SCAPER: variants seen among roughly 807,000 people sequenced by gnomAD.
SCAPER encodes S-phase cyclin A associated protein in the ER, also known as S phase cyclin A-associated protein in the endoplasmic reticulum.
A neutral mutation model predicts 182.2 loss-of-function variants in SCAPER; 98 were observed. The ratio of observed to expected loss-of-function variants is 0.54; its 90% CI spans 0.46 to 0.64. The LOEUF (loss-of-function observed/expected upper bound fraction) is 0.64. Ranked by LOEUF, SCAPER falls within the 30% of genes least tolerant of loss-of-function variation. SCAPER has a pLI of 0.00. For missense variants in SCAPER, 1,432 were observed against 1,690.0 expected (o/e 0.85, Z 2.68); for synonymous variants, 605 against 564.6 (o/e 1.07, Z -1.01).
rs374388566 is a variant in SCAPER, at chr15:76,705,634, AAG to A, written c.2247+267_2247+268del. On this transcript the variant is annotated intron_variant, in intron 18 of 31. Coordinates refer to ENST00000563290, the MANE Select transcript of SCAPER (RefSeq NM_020843.4). The stretch of plus-strand genomic sequence containing the variant: ...TACACTTAACATGACTGAACTGTGT[AAG>A]AAAAAATATTAAAGATTCTAAATTA... 8.2e-3 allele frequency among the ~76,000 whole-genome samples: 1,252 copies of A among 152,156 alleles called. 9 individuals carry two copies. The highest frequency in any genetic ancestry group is 0.014 in the Non-Finnish European group (985 of 67,982).
Position 76,597,500 on chromosome 15 carries a change from A to C in SCAPER, c.2712-23216T>G, listed in dbSNP as rs1211739354. ...AAAAAGAGCCTGTACAGCCAAGAGA[A>C]TCCTAAGCAAAAAGAACAAAGCTGG... On this transcript the variant is annotated intron_variant, in intron 22 of 31. Transcript: ENST00000563290. Among the ~76,000 whole-genome samples, 3 of 121,472 alleles carry C rather than the reference A, an allele frequency of 2.5e-5. 1 individual carries two copies. The allele number at this position is 121,472 out of a possible 152,430, so 79.7% of individuals were successfully genotyped here.
At chr15:76,351,179 A>T in intron 31 of SCAPER, 58 bp downstream of exon 31, 1 of 1,475,736 alleles carries the variant, frequency 6.8e-7, no homozygotes, top group Non-Finnish European at 9.3e-7. Flanking sequence ...AGGAAAGGAT[A>T]AGAAAGATGT....
chr15:76,602,093 A>G (rs2049971294), intron 22 of SCAPER, among the ~76,000 whole-genome samples: 1 of 122,114 alleles, frequency 8.2e-6, no homozygotes, highest in South Asian at 2.5e-4. Context: ...AACTGTACAT[A>G]CACACATAAG....
At chr15:76,569,985 T>C (rs1198738547) in intron 23 of SCAPER, among the ~76,000 whole-genome samples, 1 of 152,198 alleles carries the variant, frequency 6.6e-6, no homozygotes, top group Non-Finnish European at 1.5e-5. Flanking sequence ...CTTGTCCCTT[T>C]GTATGCTTAA....
At chr15:76,485,708 T>C (rs780418210) in intron 24 of SCAPER, among the ~76,000 whole-genome samples, 2 of 152,088 alleles carry the variant, frequency 1.3e-5, no homozygotes, top group South Asian at 2.1e-4. Context: ...TGGTACAGAA[T>C]AGAAAGCCCA....
intron 28 of SCAPER, chr15:76,380,813 A>C (rs1052043678): frequency 6.6e-6 from 1 of 152,270 alleles, no homozygotes; most frequent in African/African-American, 2.4e-5. Context: ...TAAAAACTTC[A>C]TAGCTAAAGA....
At chr15:76,650,464 A>C (rs556403595) in intron 21 of SCAPER, among the ~76,000 whole-genome samples, 4 of 152,158 alleles carry the variant, frequency 2.6e-5, no homozygotes, top group Non-Finnish European at 5.9e-5. Context: ...CAATTTGTCA[A>C]GAATATATAC....
rs1567143984 is a variant in SCAPER at position 76,440,906 on chromosome 15, G to GTTT, written c.3079-6597_3079-6596insAAA. On this transcript the variant is annotated intron_variant, in intron 25 of 31. Transcript: ENST00000563290. ...TATCTTTTAAAATTATTCCCCTTCT[G>GTTT]GTTTTTTTTTTGTTTTTTTTTTTTT... 2.7e-4 allele frequency among the ~76,000 whole-genome samples: 30 copies of GTTT among 112,118 alleles called. 1 individual carries two copies. The highest frequency in any genetic ancestry group is 3.9e-4 in the Non-Finnish European group (22 of 56,938). 73.6% of individuals were successfully genotyped at this position (112,118 alleles called of 152,430 possible). A position where few individuals can be genotyped will look rare whatever the true frequency, so the allele number is the denominator to read the frequency against.
chr15:76,367,580 C>T (rs2041893920), intron 29 of SCAPER, among the ~76,000 whole-genome samples: 1 of 152,124 alleles, frequency 6.6e-6, no homozygotes, highest in South Asian at 2.1e-4. Context: ...CTGGCTGCTG[C>T]CTACCTCAGT....
intron 8 of SCAPER, among the ~76,000 whole-genome samples, chr15:76,778,379 C>T (rs565546501): frequency 2.6e-5 from 4 of 151,724 alleles, no homozygotes; most frequent in African/African-American, 7.3e-5. Flanking sequence ...TAATGTTATA[C>T]CTAAAGTAAC....
chr15:76,440,094 T>C (rs924093010), intron 25 of SCAPER, among the ~76,000 whole-genome samples: 2 of 152,174 alleles, frequency 1.3e-5, no homozygotes, highest in African/African-American at 4.8e-5. Flanking sequence ...CAGTTTTAGA[T>C]ATAGAAAAAA....
At chr15:76,637,521 AC>A (rs956954595) in intron 21 of SCAPER, among the ~76,000 whole-genome samples, 5 of 147,024 alleles carry the variant, frequency 3.4e-5, no homozygotes, top group Middle Eastern at 3.7e-3. Context: ...AAACAGTGAG[AC>A]CCCCCCATCT....
intron 17 of SCAPER, among the ~76,000 whole-genome samples, chr15:76,713,832 TA>T (rs1255593413): frequency 6.6e-6 from 1 of 152,100 alleles, no homozygotes; most frequent in African/African-American, 2.4e-5. Context: ...TTAAGTTTCC[TA>T]AAAAGTTTGA....
chr15:76,826,667 A>G (rs1460998709), intron 5 of SCAPER, among the ~76,000 whole-genome samples: 1 of 152,136 alleles, frequency 6.6e-6, no homozygotes, highest in African/African-American at 2.4e-5. Context: ...CCTAAAACAA[A>G]GTCTTTAAAT....
At chr15:76,510,894 C>T (rs553877128) in intron 23 of SCAPER, among the ~76,000 whole-genome samples, 22 of 150,902 alleles carry the variant, frequency 1.5e-4, no homozygotes, top group Non-Finnish European at 2.4e-4. Context: ...TGTGTGCGCG[C>T]GCGCACGTAT....
intron 21 of SCAPER, among the ~76,000 whole-genome samples, chr15:76,653,910 A>G (rs986216750): frequency 6.6e-6 from 1 of 152,212 alleles, no homozygotes; most frequent in Admixed American, 6.5e-5. Context: ...CTATCAGCCG[A>G]GCAAAGAGAC....
At chr15:76,497,545 C>G (rs1049860624) in intron 24 of SCAPER, among the ~76,000 whole-genome samples, 4 of 151,744 alleles carry the variant, frequency 2.6e-5, no homozygotes, top group African/African-American at 9.7e-5. Flanking sequence ...TATGGCAAGC[C>G]AACAAGAAAG....
chr15:76,502,909 C>T (rs990353739), intron 24 of SCAPER, among the ~76,000 whole-genome samples: 29 of 152,102 alleles, frequency 1.9e-4, no homozygotes, highest in African/African-American at 6.8e-4. Context: ...GAACTGTGGA[C>T]GCCTCTTCCA....
chr15:76,410,693 A>G (rs2045222572), intron 26 of SCAPER, among the ~76,000 whole-genome samples: 1 of 152,154 alleles, frequency 6.6e-6, no homozygotes. Context: ...CCTGAGTCTC[A>G]GCCTCTTTAT....
Sources: gnomAD v4.1 joint callset for allele counts (sites outside exome capture counted in the v4.1 genomes callset) on GRCh38, gnomAD v4.1.1 for gene constraint, MANE v1.5 for transcripts, NCBI Gene and HGNC (gene_info 2026-07-23, HGNC 2026-07-21) for gene names.